The following FBN2 variants were observed in gnomAD, a reference collection of about 807,000 sequenced individuals.
FBN2 encodes fibrillin 2.
FBN2 carries 105 observed loss-of-function variants against 355.6 expected under a neutral mutation model. The ratio of observed to expected loss-of-function variants is 0.30; its 90% CI spans 0.25 to 0.35. FBN2 has a LOEUF of 0.35. FBN2 is among the 10% of genes least tolerant of loss of function. The probability of loss-of-function intolerance (pLI) is 1.00; values close to 1 mark genes in which losing one functional copy is unlikely to be tolerated. For missense variants in FBN2, 3,280 were observed against 3,758.7 expected (o/e 0.87, Z 3.33); for synonymous variants, 1,350 against 1,301.2 (o/e 1.04, Z -0.81).
chr5:128,524,946 T>C (rs577956091), intron 4 of FBN2, among the ~76,000 whole-genome samples: 3 of 152,280 alleles, frequency 2.0e-5, no homozygotes, highest in East Asian at 1.9e-4. Flanking sequence ...AACATCAATA[T>C]GGTTTGACAC....
intron 8 of FBN2, among the ~76,000 whole-genome samples, chr5:128,408,062 G>C (rs1449784383): frequency 6.6e-6 from 1 of 152,114 alleles, no homozygotes; most frequent in African/African-American, 2.4e-5. Context: ...TAGGTTAAAA[G>C]CTCAGGAAGG....
At chr5:128,510,162 G>A (rs1756075665) in intron 5 of FBN2, among the ~76,000 whole-genome samples, 1 of 152,172 alleles carries the variant, frequency 6.6e-6, no homozygotes, top group South Asian at 2.1e-4. Context: ...TAGCACAGGA[G>A]TGTTCAATCT....
At chr5:128,491,188 A>G (rs563685962) in intron 5 of FBN2, among the ~76,000 whole-genome samples, 2 of 152,354 alleles carry the variant, frequency 1.3e-5, no homozygotes, top group East Asian at 3.9e-4. Flanking sequence ...ACAATTAAGA[A>G]AGAACACACA....
intron 46 of FBN2, among the ~76,000 whole-genome samples, chr5:128,302,267 A>C (rs1331250842): frequency 6.6e-6 from 1 of 152,226 alleles, no homozygotes; most frequent in Non-Finnish European, 1.5e-5. Flanking sequence ...CATGCGAATT[A>C]CAACACATTA....
At chr5:128,528,095 T>G (rs1360420779) in intron 3 of FBN2, 128 bp from the exon 4 acceptor site, 2 of 697,848 alleles carry the variant, frequency 2.9e-6, no homozygotes, top group Non-Finnish European at 5.3e-6. Flanking sequence ...AAGGAAATAC[T>G]ATGACCCAAA....
At chr5:128,268,175 A>G (rs1159275952) in intron 62 of FBN2, among the ~76,000 whole-genome samples, 2 of 152,224 alleles carry the variant, frequency 1.3e-5, no homozygotes, top group Non-Finnish European at 2.9e-5. Flanking sequence ...ACACAATAAA[A>G]AAATGATAAA....
At chr5:128,404,064 C>T (rs953170295) in intron 8 of FBN2, among the ~76,000 whole-genome samples, 8 of 152,180 alleles carry the variant, frequency 5.3e-5, no homozygotes, top group Non-Finnish European at 1.0e-4. Flanking sequence ...CTGCAGATAA[C>T]ACGCAGTTTA....
At chr5:128,474,100 G>A (rs1396351396) in intron 5 of FBN2, among the ~76,000 whole-genome samples, 2 of 152,154 alleles carry the variant, frequency 1.3e-5, no homozygotes, top group African/African-American at 2.4e-5. Context: ...TTTCATACGG[G>A]TGAAGGCCAT....
At position 128,289,973 on chromosome 5, in the gene FBN2, A is replaced by G. The variant is rs3828658; in HGVS notation, c.6446-26T>C. 1.2e-3 allele frequency: 1,668 copies of G among 1,382,616 alleles called. 39 individuals are homozygous for G. The East Asian group carries it at 0.034, about 28-fold the overall frequency. 85.6% of individuals were successfully genotyped at this position (1,382,616 alleles called of 1,614,324 possible). ...CTACAAAGAAAAATACAAATTCTCCATTATTGAAGACTTGAAATTATCAAA... is the reference window on the plus strand; with the variant it reads ...CTACAAAGAAAAATACAAATTCTCCGTTATTGAAGACTTGAAATTATCAAA... On this transcript the variant is annotated intron_variant, in intron 50 of 64. Coordinates refer to ENST00000262464, the MANE Select transcript of FBN2 (RefSeq NM_001999.4).
intron 4 of FBN2, among the ~76,000 whole-genome samples, chr5:128,519,810 G>A (rs1756381759): frequency 1.4e-5 from 2 of 145,776 alleles, no homozygotes; most frequent in African/African-American, 2.5e-5. Context: ...AGTAGGAGGA[G>A]AAAAATGTAA....
At chr5:128,475,412 A>G (rs527644887) in intron 5 of FBN2, among the ~76,000 whole-genome samples, 5 of 152,260 alleles carry the variant, frequency 3.3e-5, no homozygotes, top group African/African-American at 9.6e-5. Flanking sequence ...CAGAAGTGCA[A>G]AAAAAGGGAT....
rs147134796 is a variant in FBN2, at chr5:128,259,664, C to T, written c.8530G>A (p.Val2844Ile). The stretch of plus-strand genomic sequence containing the variant: ...CCATTCCTTTGGTGGATGCGGAAGA[C>T]GCTGTCATCGTTCCCTTGAGAGATG... ...YVISQGNDDSVFRIHQRNGLS... is the reference protein window; with the variant it reads ...YVISQGNDDSIFRIHQRNGLS... The change falls in exon 65 of 65, where the codon GTC (valine) becomes ATC (isoleucine). Residue 2844 changes from valine to isoleucine, a missense_variant. Transcript: ENST00000262464. 46 of 1,613,846 alleles carry T rather than the reference C, an allele frequency of 2.9e-5. No individual in the cohort carries two copies. The highest frequency in any genetic ancestry group is 1.5e-4 in the African/African-American group (11 of 74,874).
intron 11 of FBN2, among the ~76,000 whole-genome samples, chr5:128,386,339 T>C (rs1752365266): frequency 6.6e-6 from 1 of 152,116 alleles, no homozygotes; most frequent in Non-Finnish European, 1.5e-5. Context: ...TGTAGGTGTG[T>C]GGCTTTATTT....
chr5:128,367,082 G>A (rs1751791830), intron 16 of FBN2, among the ~76,000 whole-genome samples: 2 of 152,074 alleles, frequency 1.3e-5, no homozygotes, highest in South Asian at 4.1e-4. Flanking sequence ...TCTCTTACTG[G>A]TGAAATTAGG....
rs143641901 is a variant in FBN2, at chr5:128,446,585, A to G, written c.848T>C (p.Ile283Thr). Residue 283 changes from isoleucine to threonine, a missense_variant, in exon 7 of 65, where the codon ATC becomes ACC. Ile to Thr is a moderately conservative substitution (Grantham distance 89). Transcript: ENST00000262464. The part of the protein sequence containing the change: ...ACQDVDECQA[I>T]PGICQGGNCI... ...GTTTCCTCCTTGGCATATCCCTGGG[A>G]TAGCCTGGCATTCATCAACATCTGC... The G allele has an allele frequency of 1.9e-6, 3 of 1,613,750 alleles. No individual in the cohort carries two copies. In the African/African-American group the frequency reaches 4.0e-5, roughly 22 times the overall value.
chr5:128,432,420 A>ACAG (rs1321740739), intron 7 of FBN2, among the ~76,000 whole-genome samples: 1 of 152,232 alleles, frequency 6.6e-6, no homozygotes, highest in Non-Finnish European at 1.5e-5. Context: ...ACTACAGCCC[A>ACAG]CAGCCTGTTT....
intron 5 of FBN2, among the ~76,000 whole-genome samples, chr5:128,505,196 G>A (rs1482418533): frequency 6.6e-6 from 1 of 152,112 alleles, no homozygotes. Flanking sequence ...TTTATTAGCA[G>A]TGGCAGAACA....
intron 34 of FBN2, among the ~76,000 whole-genome samples, chr5:128,325,358 T>C (rs1044852508): frequency 6.6e-6 from 1 of 152,234 alleles, no homozygotes; most frequent in African/African-American, 2.4e-5. Context: ...TACCATTATG[T>C]AATGCCCTTC....
intron 53 of FBN2, 133 bp downstream of exon 53, chr5:128,288,305 A>G: frequency 9.8e-7 from 1 of 1,017,274 alleles, no homozygotes; most frequent in South Asian, 1.5e-5. Flanking sequence ...AACCAAACAA[A>G]AAACCCAAAA....
Sources: allele counts gnomAD v4.1 joint callset (sites outside exome capture counted in the v4.1 genomes callset), GRCh38; gene constraint gnomAD v4.1.1; transcripts MANE v1.5; gene names NCBI Gene and HGNC (gene_info 2026-07-23, HGNC 2026-07-21).